ZNF654: variants seen among roughly 807,000 people sequenced by gnomAD.
ZNF654 encodes the protein zinc finger protein 654, also known as melanoma-associated antigen.
Under a neutral mutation model 95.3 loss-of-function variants are expected in ZNF654, and 19 were observed. That is an observed-to-expected ratio of 0.20 (90% CI 0.14 to 0.29). The LOEUF is 0.29. Among genes scored for constraint, ZNF654 ranks in the 10% least tolerant of loss-of-function variants. The pLI is 1.00. For missense variants in ZNF654, 1,046 were observed against 1,341.0 expected (o/e 0.78, Z 3.44); for synonymous variants, 413 against 457.9 (o/e 0.90, Z 1.25).
In ZNF654 at chr3:88,143,286, G is replaced by A. The variant is rs1707213327; in HGVS notation, c.*1634G>A. ...TCAGCATTCACTACTATGCAATGAT[G>A]GTCATAAGTCCATTCCAAATTTAAA... On this transcript the variant is annotated 3_prime_UTR_variant, in exon 9 of 9. Coordinates refer to ENST00000636215, the MANE Select transcript of ZNF654 (RefSeq NM_001350134.2). The A allele has an allele frequency of 6.6e-6, 1 of 152,046 alleles. No individual in the cohort carries two copies. The highest frequency in any genetic ancestry group is 6.6e-5 in the Admixed American group (1 of 15,222). The allele number at this position is 152,046 out of a possible 1,614,324, so 9.4% of individuals were successfully genotyped here. A position where few individuals can be genotyped will look rare whatever the true frequency, so the allele number is the denominator to read the frequency against.
chr3:88,060,623 C>T (rs1053685092), intron 1 of ZNF654, among the ~76,000 whole-genome samples: 3 of 152,112 alleles, frequency 2.0e-5, no homozygotes, highest in African/African-American at 7.2e-5. Flanking sequence ...CTCAGTTTCC[C>T]CTTCTGTCAA....
At chr3:88,074,286 G>A (rs957081739) in intron 1 of ZNF654, among the ~76,000 whole-genome samples, 21 of 151,380 alleles carry the variant, frequency 1.4e-4, no homozygotes, top group Admixed American at 5.3e-4. Context: ...ATTGGGAGTG[G>A]CTTCTTTTAG....
intron 3 of ZNF654, among the ~76,000 whole-genome samples, chr3:88,121,038 A>T (rs1705739305): frequency 2.0e-5 from 3 of 152,122 alleles, no homozygotes; most frequent in Non-Finnish European, 4.4e-5. Flanking sequence ...CCACCATGGT[A>T]CGTGTATACC....
intron 2 of ZNF654, among the ~76,000 whole-genome samples, chr3:88,112,046 A>T (rs1705122555): frequency 6.6e-6 from 1 of 151,858 alleles, no homozygotes; most frequent in African/African-American, 2.4e-5. Context: ...ATCATCAAAG[A>T]ATATTTTTCA....
At chr3:88,134,253 A>C (rs1430862635) in intron 6 of ZNF654, among the ~76,000 whole-genome samples, 1 of 152,074 alleles carries the variant, frequency 6.6e-6, no homozygotes, top group Non-Finnish European at 1.5e-5. Context: ...CATGATGGTA[A>C]TCAAGCTGTC....
intron 1 of ZNF654, among the ~76,000 whole-genome samples, chr3:88,064,136 A>G (rs1423058635): frequency 2.7e-5 from 4 of 148,412 alleles, no homozygotes; most frequent in Admixed American, 2.7e-4. Flanking sequence ...CACAGCTTAT[A>G]ACAAAAAATA....
At chr3:88,098,983 G>A (rs538071747) in intron 2 of ZNF654, among the ~76,000 whole-genome samples, 6 of 152,148 alleles carry the variant, frequency 3.9e-5, no homozygotes, top group East Asian at 1.9e-4. Context: ...AGTTCTGGCC[G>A]GGGCAATCAG....
Position 88,141,033 on chromosome 3 carries a change from G to T in ZNF654, c.3364G>T (p.Asp1122Tyr). The T allele has an allele frequency of 6.3e-7, 1 of 1,597,214 alleles. No individual in the cohort carries two copies. Among genetic ancestry groups the T allele is most frequent in the South Asian group, 1.1e-5 (1 of 87,832 alleles). Reference protein sequence around the residue: ...QKKCQTLFGFDSDDESA With the variant: ...QKKCQTLFGFYSDDESA Reference sequence around the variant, plus strand: ...GAAATGTCAGACACTCTTTGGATTTGATTCAGATGATGAAAGTAAGTCTTC... The same window carrying T: ...GAAATGTCAGACACTCTTTGGATTTTATTCAGATGATGAAAGTAAGTCTTC... The change falls in exon 8 of 9, where the codon GAT (aspartate) becomes TAT (tyrosine). Residue 1122 changes from aspartate (D) to tyrosine (Y), a missense_variant. Asp to Tyr is a radical substitution (Grantham distance 160, BLOSUM62 -3). Coordinates refer to ENST00000636215, the MANE Select transcript of ZNF654 (RefSeq NM_001350134.2).
At chr3:88,117,086 G>A (rs1336837471) in intron 3 of ZNF654, among the ~76,000 whole-genome samples, 4 of 152,046 alleles carry the variant, frequency 2.6e-5, no homozygotes, top group Non-Finnish European at 4.4e-5. Flanking sequence ...GGGACAACCC[G>A]AAAGAACATA....
At chr3:88,107,694 AT>A (rs1190205032) in intron 2 of ZNF654, among the ~76,000 whole-genome samples, 1 of 152,026 alleles carries the variant, frequency 6.6e-6, no homozygotes, top group Non-Finnish European at 1.5e-5. Context: ...GGTACTCTGG[AT>A]AATTTTTCAG....
chr3:88,072,018 A>G (rs902049162), intron 1 of ZNF654, among the ~76,000 whole-genome samples: 5 of 152,190 alleles, frequency 3.3e-5, no homozygotes, highest in African/African-American at 1.2e-4. Context: ...ATATCCTTAG[A>G]TATCTTAGGC....
Position 88,125,679 on chromosome 3 carries a change from CTT to C in ZNF654, c.415-452_415-451del, listed in dbSNP as rs571868909. Among the ~76,000 whole-genome samples the C allele has an allele frequency of 4.6e-3, 698 of 152,274 alleles. 4 individuals are homozygous for C. The highest frequency in any genetic ancestry group is 0.01 in the Middle Eastern group (3 of 294). The stretch of plus-strand genomic sequence containing the variant: ...ATATATTTGGGATCAGGACAGGAGA[CTT>C]TTGTCTACCTGCCAGCCAGAGAGAG... On this transcript the variant is annotated intron_variant, in intron 3 of 8. Transcript: ENST00000636215.
At chr3:88,083,183 C>CG (rs1559697966) in intron 1 of ZNF654, among the ~76,000 whole-genome samples, 1 of 152,054 alleles carries the variant, frequency 6.6e-6, no homozygotes, top group Non-Finnish European at 1.5e-5. Flanking sequence ...ACAGTCCCAT[C>CG]GGGGGGTTAG....
rs138257771 is a variant in ZNF654, at chr3:88,063,956, C to A, written c.186+4451C>A. Among the ~76,000 whole-genome samples, 811 of 152,254 alleles carry A rather than the reference C, an allele frequency of 5.3e-3. 4 individuals carry two copies. The highest frequency in any genetic ancestry group is 0.017 in the African/African-American group (696 of 41,550). ...CCAAAACAACTTGTCCTAAATCCTA[C>A]TTAATGACCCACTTTCATCTTGTGA... is the stretch of plus-strand genomic sequence containing the variant. On this transcript the variant is annotated intron_variant, in intron 1 of 8. Transcript: ENST00000636215.
At chr3:88,080,846 C>T (rs761104360) in intron 1 of ZNF654, among the ~76,000 whole-genome samples, 39 of 152,104 alleles carry the variant, frequency 2.6e-4, no homozygotes, top group Non-Finnish European at 4.3e-4. Flanking sequence ...TAAAACTGAA[C>T]TAATTTTAGA....
intron 2 of ZNF654, among the ~76,000 whole-genome samples, chr3:88,086,998 G>A (rs980026363): frequency 2.0e-5 from 3 of 152,148 alleles, no homozygotes; most frequent in Non-Finnish European, 4.4e-5. Context: ...TAGCCAGGAT[G>A]GTCTTGATCT....
intron 2 of ZNF654, among the ~76,000 whole-genome samples, chr3:88,110,238 A>G (rs1705005957): frequency 6.6e-6 from 1 of 152,132 alleles, no homozygotes; most frequent in South Asian, 2.1e-4. Context: ...TTACTCATCA[A>G]TTAAGTAGTG....
In ZNF654 at chr3:88,128,911, C is replaced by A; in HGVS notation, c.653C>A (p.Ser218Tyr). The stretch of plus-strand genomic sequence containing the variant: ...CCCGAAGCAATGGCTCTTATTAAAT[C>A]TTGTATAAATCACCCAGAAATCAGT... Reference protein sequence around the residue: ...RIPEAMALIKSCINHPEISKD... With the variant: ...RIPEAMALIKYCINHPEISKD... The change falls in exon 5 of 9, where the codon TCT (serine) becomes TAT (tyrosine). Residue 218 changes from serine to tyrosine, a missense_variant. Physicochemically the swap from Ser to Tyr is moderately radical, Grantham distance 144. Around this residue, in one of 9 missense-constraint regions of ZNF654, gnomAD observed 121 missense variants for 141.7 expected, o/e 0.85. Coordinates refer to ENST00000636215, the MANE Select transcript of ZNF654 (RefSeq NM_001350134.2). The A allele has an allele frequency of 6.5e-7, 1 of 1,535,556 alleles. No individual in the cohort carries two copies.
chr3:88,093,942 C>G (rs1359554246), intron 2 of ZNF654, among the ~76,000 whole-genome samples: 1 of 152,110 alleles, frequency 6.6e-6, no homozygotes, highest in African/African-American at 2.4e-5. Context: ...TACTCTTACT[C>G]CTGACTCTTT....
Sources: gnomAD v4.1 joint callset for allele counts (sites outside exome capture counted in the v4.1 genomes callset) on GRCh38, gnomAD v4.1.1 for gene constraint, gnomAD v4.1.1 regional missense constraint, MANE v1.5 for transcripts, NCBI Gene and HGNC (gene_info 2026-07-23, HGNC 2026-07-21) for gene names.